CNTN3: variants seen among roughly 807,000 people sequenced by gnomAD.
CNTN3 encodes contactin 3.
Under a neutral mutation model 119.1 loss-of-function variants are expected in CNTN3, and 60 were observed. That is an observed-to-expected ratio of 0.50 (90% CI 0.41 to 0.62). CNTN3 has a LOEUF of 0.62. Among genes scored for constraint, CNTN3 ranks in the 20% least tolerant of loss-of-function variants. The pLI is 0.00. For missense variants in CNTN3, 1,101 were observed against 1,242.4 expected (o/e 0.89, Z 1.71); for synonymous variants, 450 against 438.7 (o/e 1.03, Z -0.32).
intron 20 of CNTN3, among the ~76,000 whole-genome samples, chr3:74,283,677 T>C (rs376994636): frequency 8.5e-5 from 13 of 152,300 alleles, no homozygotes; most frequent in African/African-American, 3.1e-4. Context: ...TGTTTGCATA[T>C]ATTTTTGCAA....
intron 5 of CNTN3, among the ~76,000 whole-genome samples, chr3:74,420,252 TA>T (rs1701595397): frequency 6.6e-6 from 1 of 152,232 alleles, no homozygotes; most frequent in Non-Finnish European, 1.5e-5. Flanking sequence ...AATTTTTTAT[TA>T]TTATAGTATC....
Position 74,330,856 on chromosome 3 carries a change from T to A in CNTN3, c.1668+3879A>T, listed in dbSNP as rs535508744. Among the ~76,000 whole-genome samples the A allele has an allele frequency of 1.3e-3, 202 of 151,644 alleles. 1 individual carries two copies. The highest frequency in any genetic ancestry group is 4.6e-3 in the African/African-American group (190 of 41,256). On this transcript the variant is annotated intron_variant, in intron 13 of 22. Transcript: ENST00000263665. ...AAAATGTTCAAAATGAAAAAAAAAA[T>A]TAAAAACAGAAAAAAAGCTTATCCT...
intron 4 of CNTN3, among the ~76,000 whole-genome samples, chr3:74,456,543 G>T (rs555940333): frequency 5.3e-5 from 8 of 152,170 alleles, no homozygotes; most frequent in Admixed American, 1.3e-4. Context: ...CAGCATGGAG[G>T]AATGGATGAA....
intron 5 of CNTN3, among the ~76,000 whole-genome samples, chr3:74,391,920 A>G (rs1390224585): frequency 6.6e-6 from 1 of 152,168 alleles, no homozygotes; most frequent in East Asian, 1.9e-4. Context: ...GGTCTCCCAA[A>G]GTGCTGGGAT....
At chr3:74,337,735 A>G (rs2106715880) in intron 11 of CNTN3, among the ~76,000 whole-genome samples, 1 of 152,264 alleles carries the variant, frequency 6.6e-6, no homozygotes, top group Middle Eastern at 3.4e-3. Flanking sequence ...ATTTAAGATG[A>G]GATTTGGGTG....
intron 4 of CNTN3, among the ~76,000 whole-genome samples, chr3:74,434,665 T>A (rs912473288): frequency 1.3e-5 from 2 of 152,206 alleles, no homozygotes; most frequent in Admixed American, 1.3e-4. Flanking sequence ...AGGTTCCCCA[T>A]CAGTAAATTA....
intron 20 of CNTN3, among the ~76,000 whole-genome samples, chr3:74,284,696 C>G (rs1313398890): frequency 2.0e-5 from 3 of 152,168 alleles, no homozygotes; most frequent in African/African-American, 7.2e-5. Context: ...TTGTAAATCA[C>G]TGACTTTCTT....
At chr3:74,352,750 G>T (rs1412192933) in intron 11 of CNTN3, among the ~76,000 whole-genome samples, 18 of 152,114 alleles carry the variant, frequency 1.2e-4, no homozygotes, top group Non-Finnish European at 1.0e-4. Context: ...AAAAGTGATG[G>T]CATCCACATA....
chr3:74,597,822 A>G (rs1704837741), intron 1 of CNTN3, among the ~76,000 whole-genome samples: 1 of 152,112 alleles, frequency 6.6e-6, no homozygotes, highest in Non-Finnish European at 1.5e-5. Flanking sequence ...TAAATGTGGT[A>G]ATGATGAAGA....
chr3:74,263,676 G>T lies in CNTN3; in HGVS notation c.*725C>A, dbSNP rs1161423030. ...TGCTAATATTTTGCATGGGTCAATT[G>T]CATTTGGGGTGACAAAAGCACTTTC... On this transcript the variant is annotated 3_prime_UTR_variant, in exon 23 of 23. Coordinates refer to ENST00000263665, the MANE Select transcript of CNTN3 (RefSeq NM_020872.3). 1 of 151,992 alleles carries T rather than the reference G, an allele frequency of 6.6e-6. No individual in the cohort carries two copies. The highest frequency in any genetic ancestry group is 2.4e-5 in the African/African-American group (1 of 41,412). 9.4% of individuals were successfully genotyped at this position (151,992 alleles called of 1,614,324 possible). A position where few individuals can be genotyped will look rare whatever the true frequency, so the allele number is the denominator to read the frequency against.
chr3:74,421,271 C>G (rs944563184), intron 5 of CNTN3, among the ~76,000 whole-genome samples: 1 of 152,082 alleles, frequency 6.6e-6, no homozygotes, highest in Non-Finnish European at 1.5e-5. Flanking sequence ...CGAGCTCAAG[C>G]AATCCTCCCA....
chr3:74,544,581 T>C (rs1280516348), intron 1 of CNTN3, among the ~76,000 whole-genome samples: 1 of 151,818 alleles, frequency 6.6e-6, no homozygotes, highest in African/African-American at 2.4e-5. Flanking sequence ...GTATCCTAGA[T>C]GAAACTCTTT....
intron 5 of CNTN3, among the ~76,000 whole-genome samples, chr3:74,378,584 A>G (rs985506952): frequency 1.3e-5 from 2 of 152,240 alleles, no homozygotes; most frequent in African/African-American, 4.8e-5. Context: ...GCCACAGGTT[A>G]GTGAACTAAG....
chr3:74,560,467 T>G (rs1019327980), intron 1 of CNTN3, among the ~76,000 whole-genome samples: 10 of 152,316 alleles, frequency 6.6e-5, no homozygotes, highest in African/African-American at 2.2e-4. Flanking sequence ...ATGACAAGGA[T>G]ACATATATAC....
intron 4 of CNTN3, among the ~76,000 whole-genome samples, chr3:74,436,276 G>A (rs1005178522): frequency 1.3e-5 from 2 of 152,100 alleles, no homozygotes; most frequent in Non-Finnish European, 2.9e-5. Flanking sequence ...GAACATTTTG[G>A]ATGTTTACGG....
chr3:74,535,106 C>G (rs79624979), intron 1 of CNTN3, among the ~76,000 whole-genome samples: 5,633 of 152,130 alleles, frequency 0.037, 140 homozygotes, highest in South Asian at 0.069. Context: ...AAGAGACAAA[C>G]GCTGCTTACA....
intron 2 of CNTN3, 127 bp from the exon 3 acceptor site, chr3:74,499,912 A>T: frequency 3.5e-6 from 3 of 850,412 alleles, no homozygotes; most frequent in Non-Finnish European, 5.2e-6. Flanking sequence ...ACAAAGCAAA[A>T]TGCTCTGTAG....
intron 19 of CNTN3, among the ~76,000 whole-genome samples, chr3:74,293,968 T>C (rs1011403978): frequency 2.6e-5 from 4 of 152,204 alleles, no homozygotes; most frequent in Non-Finnish European, 5.9e-5. Context: ...TAATTTCTTA[T>C]ATAAATATCT....
At chr3:74,361,679 G>T (rs1704075857) in intron 11 of CNTN3, among the ~76,000 whole-genome samples, 1 of 152,128 alleles carries the variant, frequency 6.6e-6, no homozygotes, top group African/African-American at 2.4e-5. Context: ...TATGTGGGAA[G>T]ACCTTGGATA....
Sources: allele counts gnomAD v4.1 joint callset (sites outside exome capture counted in the v4.1 genomes callset), GRCh38; gene constraint gnomAD v4.1.1; transcripts MANE v1.5; gene names NCBI Gene and HGNC (gene_info 2026-07-23, HGNC 2026-07-21).